RASL12: variants seen among roughly 807,000 people sequenced by gnomAD.
The protein encoded by RASL12 is RAS like family 12.
RASL12 carries 16 observed loss-of-function variants against 22.9 expected under a neutral mutation model. The observed-to-expected ratio is 0.70, with a 90% CI of 0.47 to 1.06. RASL12 has a LOEUF of 1.06. RASL12 is among the 50% of genes least tolerant of loss of function. The pLI, the probability that RASL12 is intolerant of heterozygous loss-of-function variation, is 0.00. For synonymous variants in RASL12, 159 were observed against 152.2 expected (o/e 1.04, Z -0.33); for missense variants, 306 against 353.1 (o/e 0.87, Z 1.07).
Position 65,054,742 on chromosome 15 carries a change from C to G in RASL12, c.*157G>C. The G allele has an allele frequency of 6.9e-7, 1 of 1,449,950 alleles. No individual in the cohort carries two copies. The highest frequency in any genetic ancestry group is 9.0e-7 in the Non-Finnish European group (1 of 1,106,794). The allele number at this position is 1,449,950 out of a possible 1,614,324, so 89.8% of individuals were successfully genotyped here. ...ACAGAAGCAGCATCCCTGCCTGCCA[C>G]TCCAGCTCACACAGTGAATTGAGTG... On this transcript the variant is annotated 3_prime_UTR_variant, in exon 5 of 5. Coordinates refer to ENST00000220062, the MANE Select transcript of RASL12 (RefSeq NM_016563.4).
upstream of RASL12, chr15:65,068,261 A>C (rs1163787234): frequency 1.0e-6 from 1 of 986,414 alleles, no homozygotes; most frequent in Non-Finnish European, 1.2e-6. The surrounding 1 kb of genome is among the most constrained non-coding windows in gnomAD (Gnocchi z 4.2). Context: ...GGATGTTTGC[A>C]CTCTTCCCTG....
intron 1 of RASL12, among the ~76,000 whole-genome samples, chr15:65,074,561 A>T (rs2086952051): frequency 6.6e-6 from 1 of 151,884 alleles, no homozygotes. Context: ...CGCCCGGCTA[A>T]TTTTTTTGTA....
In RASL12 at chr15:65,054,763, G is replaced by C; in HGVS notation, c.*136C>G. The stretch of plus-strand genomic sequence containing the variant: ...GCCACTCCAGCTCACACAGTGAATT[G>C]AGTGTAGGGACACTGCTTGGTGCTG... On this transcript the variant is annotated 3_prime_UTR_variant, in exon 5 of 5. Transcript: ENST00000220062. 13 of 1,476,162 alleles carry C rather than the reference G, an allele frequency of 8.8e-6. No homozygotes were observed. The highest frequency in any genetic ancestry group is 1.2e-5 in the Non-Finnish European group (13 of 1,119,832). 91.4% of individuals were successfully genotyped at this position (1,476,162 alleles called of 1,614,324 possible). A position where few individuals can be genotyped will look rare whatever the true frequency, so the allele number is the denominator to read the frequency against.
chr15:65,061,534 C>G (rs1294416778), intron 2 of RASL12, among the ~76,000 whole-genome samples: 2 of 152,154 alleles, frequency 1.3e-5, no homozygotes, highest in African/African-American at 4.8e-5. Flanking sequence ...TCCAGACTTC[C>G]TATCATCAAG....
At chr15:65,071,536 T>G (rs1038679558), upstream of RASL12, among the ~76,000 whole-genome samples, 1 of 152,204 alleles carries the variant, frequency 6.6e-6, no homozygotes, top group East Asian at 1.9e-4. Context: ...ACCCCCCACC[T>G]TGGATGACCG....
chr15:65,076,575 C>G, exon 1 of RASL12: 1 of 702,826 alleles, frequency 1.4e-6, no homozygotes, highest in Non-Finnish European at 2.6e-6. Flanking sequence ...AAGAACCCAC[C>G]AATTCTGGAC....
chr15:65,052,913 T>A (rs184351261), downstream of RASL12: 408 of 1,578,718 alleles, frequency 2.6e-4, 1 homozygote, highest in East Asian at 8.2e-3. Context: ...GGCGACCCAG[T>A]CCTGCCCCAA....
rs142906957 is a variant in RASL12, at chr15:65,058,646, G to A, written c.235-29C>T. 3.0e-3 allele frequency: 4,351 copies of A among 1,466,304 alleles called. 16 individuals are homozygous for A. The highest frequency in any genetic ancestry group is 9.3e-3 in the Middle Eastern group (50 of 5,376). 90.8% of individuals were successfully genotyped at this position (1,466,304 alleles called of 1,614,324 possible). A position where few individuals can be genotyped will look rare whatever the true frequency, so the allele number is the denominator to read the frequency against. The stretch of plus-strand genomic sequence containing the variant: ...GGGTGAAGGTGAGAAGCCCCGCCGG[G>A]GGGCAGAGGAGGTTGGGGTAAAGGC... On this transcript the variant is annotated intron_variant, in intron 3 of 4. Transcript: ENST00000220062.
chr15:65,074,555 C>T (rs774232347), intron 1 of RASL12, among the ~76,000 whole-genome samples: 17 of 152,082 alleles, frequency 1.1e-4, no homozygotes, highest in Middle Eastern at 3.2e-3. Context: ...CCACCACGCC[C>T]GGCTAATTTT....
At chr15:65,064,214 C>A (rs933039383) in intron 2 of RASL12, among the ~76,000 whole-genome samples, 1 of 152,190 alleles carries the variant, frequency 6.6e-6, no homozygotes, top group African/African-American at 2.4e-5. Context: ...AGCAAAAATG[C>A]ATTGAGTGCC....
In RASL12 at chr15:65,054,729, T is replaced by C. The variant is rs1255253754; in HGVS notation, c.*170A>G. Reference sequence around the variant, plus strand: ...AGGCCTGGAGGGAACAGAAGCAGCATCCCTGCCTGCCACTCCAGCTCACAC... The same window carrying C: ...AGGCCTGGAGGGAACAGAAGCAGCACCCCTGCCTGCCACTCCAGCTCACAC... On this transcript the variant is annotated 3_prime_UTR_variant, in exon 5 of 5. Transcript: ENST00000220062. 23 of 1,436,982 alleles carry C rather than the reference T, an allele frequency of 1.6e-5. No individual in the cohort carries two copies. The highest frequency in any genetic ancestry group is 5.6e-5 in the Admixed American group (2 of 35,802). The allele number at this position is 1,436,982 out of a possible 1,614,324, so 89.0% of individuals were successfully genotyped here.
intron 1 of RASL12, among the ~76,000 whole-genome samples, chr15:65,074,183 G>C (rs2086949696): frequency 7.3e-6 from 1 of 137,300 alleles, no homozygotes; most frequent in Non-Finnish European, 1.5e-5. Context: ...CTGGCCCAAT[G>C]TACTTGCTCC....
upstream of RASL12, among the ~76,000 whole-genome samples, chr15:65,070,288 C>A (rs1310061610): frequency 1.3e-5 from 2 of 152,178 alleles, no homozygotes; most frequent in Admixed American, 6.5e-5. Context: ...AAAACAGGGA[C>A]AATATCAATA....
At chr15:65,046,625 T>C in the RASL12 span, among the ~76,000 whole-genome samples, 1 of 151,962 alleles carries the variant, frequency 6.6e-6, no homozygotes, top group Non-Finnish European at 1.5e-5. Flanking sequence ...ATTTTAAACA[T>C]ATTTTGGCCA....
the RASL12 span, among the ~76,000 whole-genome samples, chr15:65,046,013 A>G: frequency 3.3e-5 from 5 of 150,540 alleles, no homozygotes; most frequent in African/African-American, 1.2e-4. Context: ...TAAAAATACA[A>G]AATTGGCCGG....
At chr15:65,069,442 T>C (rs997533830), upstream of RASL12, among the ~76,000 whole-genome samples, 1 of 152,242 alleles carries the variant, frequency 6.6e-6, no homozygotes, top group African/African-American at 2.4e-5. Flanking sequence ...GATGGGGCCT[T>C]TGGGGATAGA....
At position 65,054,005 on chromosome 15, in the gene RASL12, C is replaced by T. The variant is rs75542121; in HGVS notation, c.*894G>A. ...GGGTCCTGCCAAACCAGATGACAAACGGGTATACTGTGTTTCTACCTGCAG... is the reference window on the plus strand; with the variant it reads ...GGGTCCTGCCAAACCAGATGACAAATGGGTATACTGTGTTTCTACCTGCAG... On this transcript the variant is annotated 3_prime_UTR_variant, in exon 5 of 5. Transcript: ENST00000220062. The T allele has an allele frequency of 3.6e-4, 354 of 985,892 alleles. No individual in the cohort carries two copies. The highest frequency in any genetic ancestry group is 1.5e-3 in the East Asian group (13 of 8,810). 61.1% of individuals were successfully genotyped at this position (985,892 alleles called of 1,614,324 possible).
At chr15:65,060,302 T>C (rs2086786349) in intron 2 of RASL12, among the ~76,000 whole-genome samples, 1 of 150,876 alleles carries the variant, frequency 6.6e-6, no homozygotes, top group Admixed American at 6.6e-5. Context: ...TCCCAGGTGA[T>C]TTTTTTTTTA....
chr15:65,071,979 T>C (rs1316719343), upstream of RASL12, among the ~76,000 whole-genome samples: 1 of 152,174 alleles, frequency 6.6e-6, no homozygotes, highest in Non-Finnish European at 1.5e-5. Flanking sequence ...TCTAAGCCTT[T>C]GTTTCCTCGT....
Sources: allele counts gnomAD v4.1 joint callset (sites outside exome capture counted in the v4.1 genomes callset), GRCh38; gene constraint gnomAD v4.1.1; non-coding constraint Gnocchi (gnomAD v3.1); transcripts MANE v1.5; gene names NCBI Gene and HGNC (gene_info 2026-07-23, HGNC 2026-07-21).